The following LRRC4C variants were observed in gnomAD, a reference collection of about 807,000 sequenced individuals.
LRRC4C encodes the protein leucine-rich repeat-containing protein 4C.
A neutral mutation model predicts 33.6 loss-of-function variants in LRRC4C; 5 were observed. That is an observed-to-expected ratio of 0.15 (90% CI 0.08 to 0.31). LRRC4C has a LOEUF of 0.31. Ranked by LOEUF, LRRC4C falls within the 10% of genes least tolerant of loss-of-function variation. The pLI, the probability that LRRC4C is intolerant of heterozygous loss-of-function variation, is 1.00. For missense variants in LRRC4C, 560 were observed against 796.7 expected, an observed-to-expected ratio of 0.70 and a Z score of 3.58; for synonymous variants, 329 against 302.0, an observed-to-expected ratio of 1.09 and a Z score of -0.93.
chr11:40,956,609 G>A (rs954093933), intron 1 of LRRC4C, among the ~76,000 whole-genome samples: 9 of 151,710 alleles, frequency 5.9e-5, no homozygotes, highest in African/African-American at 2.2e-4. Flanking sequence ...GGAATAAATT[G>A]AAAAGATAGA....
At chr11:41,297,501 G>A (rs1338008593) in intron 1 of LRRC4C, among the ~76,000 whole-genome samples, 1 of 152,114 alleles carries the variant, frequency 6.6e-6, no homozygotes, top group Non-Finnish European at 1.5e-5. Context: ...ATGAAGAAGA[G>A]GGTGGAACAA....
At chr11:40,451,680 C>T (rs932301532) in intron 3 of LRRC4C, among the ~76,000 whole-genome samples, 9 of 151,996 alleles carry the variant, frequency 5.9e-5, no homozygotes, top group Non-Finnish European at 2.9e-5. Context: ...CCACTGCACC[C>T]GGCCAGAAAT....
chr11:41,356,626 C>T (rs998292782), intron 1 of LRRC4C, among the ~76,000 whole-genome samples: 20 of 152,094 alleles, frequency 1.3e-4, no homozygotes, highest in African/African-American at 4.6e-4. Flanking sequence ...TTCAACTTGA[C>T]CTCCTAGAGA....
At chr11:40,525,298 TAGTC>T (rs909999266) in intron 3 of LRRC4C, among the ~76,000 whole-genome samples, 3 of 151,978 alleles carry the variant, frequency 2.0e-5, no homozygotes, top group South Asian at 2.1e-4. Context: ...TGAAAAAAAT[TAGTC>T]AGGTGTGGTG....
intron 1 of LRRC4C, among the ~76,000 whole-genome samples, chr11:40,987,390 G>C (rs1367364727): frequency 1.3e-5 from 2 of 151,926 alleles, no homozygotes; most frequent in African/African-American, 4.8e-5. Context: ...AATAACAAAA[G>C]GCTGAATTTG....
At chr11:40,137,721 A>G (rs1267993504) in intron 6 of LRRC4C, among the ~76,000 whole-genome samples, 3 of 152,220 alleles carry the variant, frequency 2.0e-5, no homozygotes, top group Non-Finnish European at 2.9e-5. Flanking sequence ...CTCATTCACT[A>G]TATTAAAGAT....
intron 1 of LRRC4C, among the ~76,000 whole-genome samples, chr11:41,040,573 T>C (rs1857371970): frequency 6.6e-6 from 1 of 152,224 alleles, no homozygotes; most frequent in Non-Finnish European, 1.5e-5. Flanking sequence ...GCAGCAGTTT[T>C]CTTAGACTTT....
intron 1 of LRRC4C, among the ~76,000 whole-genome samples, chr11:41,263,827 T>C (rs562502642): frequency 1.3e-5 from 2 of 152,200 alleles, no homozygotes; most frequent in African/African-American, 4.8e-5. Context: ...CAAGTAACTG[T>C]ATCATTCAGT....
At chr11:40,280,991 C>T (rs1943434824) in intron 4 of LRRC4C, among the ~76,000 whole-genome samples, 1 of 151,818 alleles carries the variant, frequency 6.6e-6, no homozygotes, top group Admixed American at 6.6e-5. Flanking sequence ...GACTTGAGAA[C>T]AAAAGAAAGG....
intron 1 of LRRC4C, among the ~76,000 whole-genome samples, chr11:40,937,653 T>G (rs985734628): frequency 3.3e-4 from 47 of 142,086 alleles, no homozygotes; most frequent in African/African-American, 8.3e-4. Context: ...GTAGGGTGGT[T>G]GTTGTTGTCT....
At chr11:40,916,424 A>T (rs959082446) in intron 2 of LRRC4C, among the ~76,000 whole-genome samples, 3 of 152,126 alleles carry the variant, frequency 2.0e-5, no homozygotes, top group Non-Finnish European at 4.4e-5. Flanking sequence ...GGAACCCATC[A>T]TTCTCAGCAA....
At chr11:40,515,112 C>T (rs1287019435) in intron 3 of LRRC4C, among the ~76,000 whole-genome samples, 1 of 152,098 alleles carries the variant, frequency 6.6e-6, no homozygotes, top group Non-Finnish European at 1.5e-5. Context: ...AAACGACTTT[C>T]ATCTATATGT....
intron 2 of LRRC4C, among the ~76,000 whole-genome samples, chr11:40,891,474 A>C (rs1257657215): frequency 2.0e-5 from 3 of 152,184 alleles, no homozygotes; most frequent in African/African-American, 7.2e-5. Flanking sequence ...CAACCCACAG[A>C]ATGGGAGAAA....
chr11:40,975,399 C>T (rs1852012501), intron 1 of LRRC4C, among the ~76,000 whole-genome samples: 1 of 152,132 alleles, frequency 6.6e-6, no homozygotes, highest in Admixed American at 6.5e-5. Context: ...AACCCTAATA[C>T]AATAAGCTTG....
chr11:40,475,465 G>A (rs961297913), intron 3 of LRRC4C, among the ~76,000 whole-genome samples: 1 of 152,074 alleles, frequency 6.6e-6, no homozygotes, highest in African/African-American at 2.4e-5. Context: ...GTGGGGGCTA[G>A]GGGAGGGATA....
intron 3 of LRRC4C, among the ~76,000 whole-genome samples, chr11:40,382,242 A>G (rs1450269162): frequency 6.7e-6 from 1 of 148,370 alleles, no homozygotes; most frequent in African/African-American, 2.5e-5. Flanking sequence ...TGGGCCTCCC[A>G]AAGGGCTGGG....
intron 2 of LRRC4C, among the ~76,000 whole-genome samples, chr11:40,821,698 T>G (rs1373796400): frequency 4.0e-5 from 6 of 151,280 alleles, no homozygotes; most frequent in South Asian, 2.1e-4. Flanking sequence ...TCAAACAAGA[T>G]CATGAAAAAT....
intron 1 of LRRC4C, among the ~76,000 whole-genome samples, chr11:41,139,823 A>G (rs529917308): frequency 1.3e-5 from 2 of 152,298 alleles, no homozygotes; most frequent in Admixed American, 1.3e-4. Flanking sequence ...GGATACTGCT[A>G]GCCTCCTTCC....
chr11:40,320,546 G>T (rs1945793938), intron 3 of LRRC4C, among the ~76,000 whole-genome samples: 1 of 151,918 alleles, frequency 6.6e-6, no homozygotes, highest in African/African-American at 2.4e-5. Flanking sequence ...AATATACACT[G>T]TAATTTACAT....
Sources: allele counts gnomAD v4.1 joint callset (sites outside exome capture counted in the v4.1 genomes callset), GRCh38; gene constraint gnomAD v4.1.1; transcripts MANE v1.5; gene names NCBI Gene and HGNC (gene_info 2026-07-23, HGNC 2026-07-21).